The following LINGO2 variants were observed in gnomAD, a reference collection of about 807,000 sequenced individuals.
The protein encoded by LINGO2 is leucine rich repeat and Ig domain containing 2, also known as leucine-rich repeat and immunoglobulin-like domain-containing nogo receptor-interacting protein 2.
Under a neutral mutation model 30.6 loss-of-function variants are expected in LINGO2, and 14 were observed. The ratio of observed to expected loss-of-function variants is 0.46; its 90% CI spans 0.30 to 0.72. The LOEUF (loss-of-function observed/expected upper bound fraction) is 0.72. Ranked by LOEUF, LINGO2 falls within the 30% of genes least tolerant of loss-of-function variation. LINGO2 has a pLI of 0.07. For missense variants in LINGO2, 729 were observed against 751.7 expected, an observed-to-expected ratio of 0.97 and a Z score of 0.35; for synonymous variants, 317 against 288.5, an observed-to-expected ratio of 1.10 and a Z score of -1.00.
At chr9:28,614,439 TAAAC>T (rs1044931234) in intron 1 of LINGO2, among the ~76,000 whole-genome samples, 4 of 152,116 alleles carry the variant, frequency 2.6e-5, no homozygotes, top group African/African-American at 9.7e-5. Flanking sequence ...AGAAAGAACA[TAAAC>T]AAAGTGTAGG....
the LINGO2 span, among the ~76,000 whole-genome samples, chr9:28,692,474 C>G: frequency 6.6e-6 from 1 of 151,926 alleles, no homozygotes; most frequent in African/African-American, 2.4e-5. Context: ...AACTCCGTCT[C>G]AAAAAATAAA....
the LINGO2 span, among the ~76,000 whole-genome samples, chr9:28,767,252 C>A: frequency 6.6e-6 from 1 of 151,830 alleles, no homozygotes; most frequent in Non-Finnish European, 1.5e-5. Context: ...TCTTTCCTTA[C>A]TAAAAAAAGG....
intron 1 of LINGO2, among the ~76,000 whole-genome samples, chr9:28,490,525 G>A (rs1826354861): frequency 6.6e-6 from 1 of 152,168 alleles, no homozygotes; most frequent in African/African-American, 2.4e-5. Context: ...TACAGTGAGT[G>A]CTAAAGCCAG....
the LINGO2 span, among the ~76,000 whole-genome samples, chr9:28,893,579 ATT>A: frequency 4.0e-5 from 6 of 151,362 alleles, no homozygotes; most frequent in African/African-American, 7.3e-5. Context: ...AATGGTTATC[ATT>A]TTTTTTTTTA....
chr9:28,104,262 G>GTTTTTTTTTTT (rs1364642044), intron 4 of LINGO2, among the ~76,000 whole-genome samples: 22 of 55,802 alleles, frequency 3.9e-4, no homozygotes, highest in South Asian at 2.4e-3. Context: ...CAAGTTTTTT[G>GTTTTTTTTTTT]TTTGTTTTTT....
the LINGO2 span, among the ~76,000 whole-genome samples, chr9:28,961,015 G>A: frequency 6.6e-6 from 1 of 152,088 alleles, no homozygotes; most frequent in Non-Finnish European, 1.5e-5. Flanking sequence ...CAAATGCCAT[G>A]AAATCAGAAA....
At chr9:28,926,040 T>C in the LINGO2 span, among the ~76,000 whole-genome samples, 4 of 152,054 alleles carry the variant, frequency 2.6e-5, no homozygotes, top group Non-Finnish European at 5.9e-5. Context: ...TTAAGCCAGG[T>C]GTGGTGGCTC....
chr9:28,834,027 T>C, the LINGO2 span, among the ~76,000 whole-genome samples: 2 of 152,058 alleles, frequency 1.3e-5, no homozygotes, highest in Admixed American at 1.3e-4. Context: ...GTTTCTTTTT[T>C]TTTTTTTCTT....
intron 2 of LINGO2, among the ~76,000 whole-genome samples, chr9:28,468,727 G>C (rs558413047): frequency 2.6e-4 from 39 of 152,240 alleles, no homozygotes; most frequent in Middle Eastern, 3.4e-3. Flanking sequence ...AGAGGGAAAA[G>C]CATACACACA....
chr9:28,697,060 A>C, the LINGO2 span, among the ~76,000 whole-genome samples: 1 of 152,054 alleles, frequency 6.6e-6, no homozygotes, highest in South Asian at 2.1e-4. Flanking sequence ...GGCATGTAGA[A>C]GTGGGGTGTC....
At chr9:28,982,920 T>C in the LINGO2 span, among the ~76,000 whole-genome samples, 2 of 151,992 alleles carry the variant, frequency 1.3e-5, no homozygotes, top group Non-Finnish European at 2.9e-5. Flanking sequence ...TGTATCTCCA[T>C]TTGGTTTTTT....
the LINGO2 span, among the ~76,000 whole-genome samples, chr9:28,830,085 TA>T: frequency 6.6e-6 from 1 of 152,120 alleles, no homozygotes; most frequent in Non-Finnish European, 1.5e-5. Flanking sequence ...ATTGCTATAA[TA>T]ACGATAAAAG....
At chr9:28,582,881 C>T (rs760778719) in intron 1 of LINGO2, among the ~76,000 whole-genome samples, 2 of 151,876 alleles carry the variant, frequency 1.3e-5, no homozygotes, top group Non-Finnish European at 2.9e-5. Context: ...AAAAACATAC[C>T]GATGCTTTGA....
At chr9:28,219,692 CT>C (rs1477833770) in intron 4 of LINGO2, among the ~76,000 whole-genome samples, 2 of 152,114 alleles carry the variant, frequency 1.3e-5, no homozygotes, top group African/African-American at 4.8e-5. Flanking sequence ...GGTTTATACC[CT>C]TCATAGTTAG....
intron 1 of LINGO2, among the ~76,000 whole-genome samples, chr9:28,605,070 A>G (rs1008428003): frequency 2.0e-5 from 3 of 152,032 alleles, no homozygotes; most frequent in Admixed American, 6.6e-5. Flanking sequence ...ACTCTACAGT[A>G]TGATTACTAT....
intron 1 of LINGO2, among the ~76,000 whole-genome samples, chr9:28,586,063 T>C (rs1355406814): frequency 6.6e-6 from 1 of 152,052 alleles, no homozygotes; most frequent in Non-Finnish European, 1.5e-5. Context: ...ATATCTGTGT[T>C]AAACTACAGC....
the LINGO2 span, among the ~76,000 whole-genome samples, chr9:29,055,940 G>GTATATATATATGTGTATATA: frequency 1.1e-4 from 13 of 120,014 alleles, no homozygotes; most frequent in East Asian, 5.7e-4. Flanking sequence ...ATGTGTGTGT[G>GTATATATATATGTGTATATA]TATATATACA....
intron 2 of LINGO2, among the ~76,000 whole-genome samples, chr9:28,466,517 G>T (rs1159603764): frequency 6.6e-6 from 1 of 152,070 alleles, no homozygotes; most frequent in East Asian, 1.9e-4. Context: ...GAGTTAATAA[G>T]ATATAGTATT....
chr9:28,589,968 T>C (rs911743049), intron 1 of LINGO2, among the ~76,000 whole-genome samples: 3 of 151,926 alleles, frequency 2.0e-5, no homozygotes, highest in Non-Finnish European at 4.4e-5. Context: ...TATAGACCAA[T>C]GGAACAGAAC....
Sources: gnomAD v4.1 joint callset for allele counts (sites outside exome capture counted in the v4.1 genomes callset) on GRCh38, gnomAD v4.1.1 for gene constraint, MANE v1.5 for transcripts, NCBI Gene and HGNC (gene_info 2026-07-23, HGNC 2026-07-21) for gene names.